JAG1: variants seen among roughly 807,000 people sequenced by gnomAD.
JAG1 encodes jagged canonical Notch ligand 1.
In JAG1, 23 loss-of-function variants were observed where a neutral mutation model predicts 148.7. The ratio of observed to expected loss-of-function variants is 0.15; its 90% CI spans 0.11 to 0.22. JAG1 has a LOEUF of 0.22. Among genes scored for constraint, JAG1 ranks in the 10% least tolerant of loss-of-function variants. The pLI, the probability that JAG1 is intolerant of heterozygous loss-of-function variation, is 1.00. For synonymous variants in JAG1, 572 were observed against 598.3 expected (o/e 0.96, Z 0.64); for missense variants, 1,054 against 1,611.2 (o/e 0.65, Z 5.92).
Position 10,648,658 on chromosome 20 carries a change from T to C in JAG1, c.1460A>G (p.Asp487Gly). The change falls in exon 12 of 26, where the codon GAC becomes GGC. Residue 487 changes from aspartate (D) to glycine (G), a missense_variant. Physicochemically the swap from Asp to Gly is moderately conservative, Grantham distance 94. Around this residue, in one of 6 missense-constraint regions of JAG1, gnomAD observed 245 missense variants for 373.1 expected, o/e 0.66. Transcript: ENST00000254958. ...PGYAGDHCERDIDECASNPCL... is the reference protein window; with the variant it reads ...PGYAGDHCERGIDECASNPCL... ...GGGGTTGCTGGCACATTCATCGATG[T>C]CTCTCTCACAGTGATCGCCTGCATA... 2 of 1,614,094 alleles carry C rather than the reference T, an allele frequency of 1.2e-6. No homozygotes were observed. The highest frequency in any genetic ancestry group is 1.7e-6 in the Non-Finnish European group (2 of 1,179,974).
intron 7 of JAG1, 52 bp from the exon 8 acceptor site, chr20:10,651,746 C>T (rs2067347933): frequency 1.8e-6 from 2 of 1,114,336 alleles, no homozygotes; most frequent in African/African-American, 1.5e-5. Context: ...ACCGTTACCT[C>T]CCCACACCCC....
At position 10,641,207 on chromosome 20, in the gene JAG1, T is replaced by G. The variant is rs753724751; in HGVS notation, c.2954A>C (p.Asn985Thr). ...TTEHICSELRNLNILKNVSAE... is the reference protein window; with the variant it reads ...TTEHICSELRTLNILKNVSAE... ...GGAAACATTCTTCAAAATATTCAAA[T>G]TCCTCAATTCACTGCAAATGTGCTC... Residue 985 changes from asparagine (N) to threonine (T), a missense_variant, in exon 24 of 26, where the codon AAT becomes ACT. Asn to Thr is a moderately conservative substitution (Grantham distance 65). Coordinates refer to ENST00000254958, the MANE Select transcript of JAG1 (RefSeq NM_000214.3). 6.2e-7 allele frequency: 1 copy of G among 1,613,992 alleles called. No individual in the cohort carries two copies. The highest frequency in any genetic ancestry group is 2.2e-5 in the East Asian group (1 of 44,878).
At chr20:10,666,603 C>T (rs1160350088) in intron 2 of JAG1, among the ~76,000 whole-genome samples, 2 of 152,194 alleles carry the variant, frequency 1.3e-5, no homozygotes, top group Admixed American at 6.5e-5. Flanking sequence ...CGAAGAGTCA[C>T]CTGGCTTTCA....
chr20:10,658,253 A>G (rs997277031), intron 4 of JAG1, among the ~76,000 whole-genome samples: 3 of 152,162 alleles, frequency 2.0e-5, no homozygotes, highest in Non-Finnish European at 4.4e-5. Context: ...TTGGCAGCCA[A>G]CACAGCACCT....
chr20:10,656,528 C>T (rs2067380540), intron 4 of JAG1, 70 bp from the exon 5 acceptor site: 13 of 1,308,160 alleles, frequency 9.9e-6, no homozygotes, highest in Non-Finnish European at 1.4e-5. Context: ...ATGAGAATGG[C>T]CCATTGCATT....
At position 10,673,093 on chromosome 20, in the gene JAG1, C is replaced by G. The variant is rs1458871834; in HGVS notation, c.82-87G>C. The G allele has an allele frequency of 8.4e-7, 1 of 1,186,816 alleles. No homozygotes were observed. Among genetic ancestry groups the G allele is most frequent in the Non-Finnish European group, 1.2e-6 (1 of 815,232 alleles). 73.5% of individuals were successfully genotyped at this position (1,186,816 alleles called of 1,614,324 possible). A position where few individuals can be genotyped will look rare whatever the true frequency, so the allele number is the denominator to read the frequency against. On this transcript the variant is annotated intron_variant, in intron 1 of 25. Transcript: ENST00000254958. This position sits in a 1 kb window ranked among gnomAD's most constrained non-coding sequence, Gnocchi z 4.7. The stretch of plus-strand genomic sequence containing the variant: ...GTGGCGACTCCCTCCCACTCCCCGC[C>G]CCGACGAGCCCTCCTCGCCGAGTGA...
At chr20:10,670,990 C>G (rs907394008) in intron 2 of JAG1, among the ~76,000 whole-genome samples, 10 of 152,238 alleles carry the variant, frequency 6.6e-5, no homozygotes, top group Admixed American at 2.0e-4. Flanking sequence ...TCCTTGTTTT[C>G]ATGTTAGCCA....
chr20:10,653,217 T>C (rs531166347), intron 5 of JAG1, among the ~76,000 whole-genome samples: 2 of 151,360 alleles, frequency 1.3e-5, no homozygotes, highest in South Asian at 2.1e-4. Context: ...ACCAACTCCA[T>C]AATTTGTGTC....
intron 20 of JAG1, 35 bp downstream of exon 20, chr20:10,643,743 A>T: frequency 1.3e-6 from 2 of 1,544,802 alleles, no homozygotes; most frequent in Non-Finnish European, 1.8e-6. Context: ...GAAGCGGTAA[A>T]GCCATTGGGA....
rs1331158667 is a variant in JAG1 at position 10,673,155 on chromosome 20, T to C, written c.82-149A>G. On this transcript the variant is annotated intron_variant, in intron 1 of 25. Coordinates refer to ENST00000254958, the MANE Select transcript of JAG1 (RefSeq NM_000214.3). The surrounding 1 kb of genome is among the most constrained non-coding windows in gnomAD (Gnocchi z 4.7). ...CGAAACTACGTTCAAGGACTCAACA[T>C]GATTCCGGGGCAAAAAAAAAAAAAA... 3.0e-6 allele frequency: 2 copies of C among 664,820 alleles called. No homozygotes were observed. Among genetic ancestry groups the C allele is most frequent in the African/African-American group, 4.1e-5 (2 of 48,748 alleles). 41.2% of individuals were successfully genotyped at this position (664,820 alleles called of 1,614,324 possible).
At chr20:10,640,701 T>G in intron 25 of JAG1, 82 bp downstream of exon 25, 1 of 1,456,746 alleles carries the variant, frequency 6.9e-7, no homozygotes, top group Non-Finnish European at 9.6e-7. Flanking sequence ...TGCCAGATAA[T>G]CCCTCGACCT....
chr20:10,669,841 T>G (rs573048272), intron 2 of JAG1, among the ~76,000 whole-genome samples: 2 of 152,284 alleles, frequency 1.3e-5, no homozygotes, highest in Admixed American at 6.5e-5. Flanking sequence ...AGGTACAGAT[T>G]AACCGTTTCA....
intron 5 of JAG1, among the ~76,000 whole-genome samples, chr20:10,654,431 T>C (rs1405684462): frequency 1.3e-5 from 2 of 152,190 alleles, no homozygotes; most frequent in African/African-American, 4.8e-5. Flanking sequence ...ATAATTAAGT[T>C]TGATATTATT....
At chr20:10,653,353 T>TAATC (rs2067358859) in intron 5 of JAG1, among the ~76,000 whole-genome samples, 2 of 148,920 alleles carry the variant, frequency 1.3e-5, no homozygotes, top group African/African-American at 5.0e-5. Flanking sequence ...GCACCTTGAT[T>TAATC]AATCATACTC....
intron 3 of JAG1, among the ~76,000 whole-genome samples, chr20:10,662,997 C>T (rs1016486466): frequency 6.6e-6 from 1 of 151,928 alleles, no homozygotes; most frequent in Admixed American, 6.6e-5. Flanking sequence ...CAAGCCCTCA[C>T]TGCACCCACG....
At chr20:10,657,776 A>G (rs6040058) in intron 4 of JAG1, among the ~76,000 whole-genome samples, 19,205 of 152,122 alleles carry the variant, frequency 0.13, 2,116 homozygotes, top group African/African-American at 0.28. Flanking sequence ...TCCTACACCA[A>G]TAGGAAAGCT....
chr20:10,660,440 A>C (rs1338813662), intron 3 of JAG1, among the ~76,000 whole-genome samples: 3 of 152,182 alleles, frequency 2.0e-5, no homozygotes, highest in Non-Finnish European at 4.4e-5. Flanking sequence ...GGCTATTACC[A>C]CGCGCTTACA....
At chr20:10,666,655 C>T (rs911792791) in intron 2 of JAG1, among the ~76,000 whole-genome samples, 5 of 152,218 alleles carry the variant, frequency 3.3e-5, no homozygotes, top group South Asian at 4.1e-4. Flanking sequence ...GAAGGCCACA[C>T]AGGAAGGAGG....
In JAG1 at chr20:10,673,096, G is replaced by T; in HGVS notation, c.82-90C>A. The stretch of plus-strand genomic sequence containing the variant: ...GCGACTCCCTCCCACTCCCCGCCCC[G>T]ACGAGCCCTCCTCGCCGAGTGAAAA... On this transcript the variant is annotated intron_variant, in intron 1 of 25. Transcript: ENST00000254958. This position sits in a 1 kb window ranked among gnomAD's most constrained non-coding sequence, Gnocchi z 4.7. 8.5e-7 allele frequency: 1 copy of T among 1,181,944 alleles called. No individual in the cohort carries two copies. Among genetic ancestry groups the T allele is most frequent in the Non-Finnish European group, 1.2e-6 (1 of 811,196 alleles). 73.2% of individuals were successfully genotyped at this position (1,181,944 alleles called of 1,614,324 possible).
Sources: allele counts gnomAD v4.1 joint callset (sites outside exome capture counted in the v4.1 genomes callset), GRCh38; gene constraint gnomAD v4.1.1; regional missense constraint gnomAD v4.1.1; non-coding constraint Gnocchi (gnomAD v3.1); transcripts MANE v1.5; gene names NCBI Gene and HGNC (gene_info 2026-07-23, HGNC 2026-07-21).